Variants in TRIO observed in about 807,000 individuals in gnomAD.
The protein encoded by TRIO is trio Rho guanine nucleotide exchange factor.
TRIO carries 58 observed loss-of-function variants against 351.9 expected under a neutral mutation model. The ratio of observed to expected loss-of-function variants is 0.16; its 90% CI spans 0.13 to 0.21. The LOEUF (loss-of-function observed/expected upper bound fraction) is 0.21, where lower values mean the gene tolerates loss of function less well. Among genes scored for constraint, TRIO ranks in the 10% least tolerant of loss-of-function variants. The probability of loss-of-function intolerance (pLI) is 1.00; values close to 1 mark genes in which losing one functional copy is unlikely to be tolerated. For synonymous variants in TRIO, 1,758 were observed against 1,595.7 expected, an observed-to-expected ratio of 1.10 and a Z score of -2.42; for missense variants, 3,201 against 4,027.8, an observed-to-expected ratio of 0.79 and a Z score of 5.56.
intron 4 of TRIO, among the ~76,000 whole-genome samples, chr5:14,288,109 C>T (rs986198989): frequency 1.3e-5 from 2 of 152,182 alleles, no homozygotes; most frequent in African/African-American, 4.8e-5. Flanking sequence ...AAGCCTTTAT[C>T]TTCATAGAGA....
chr5:14,477,486 G>A (rs1755170878), intron 41 of TRIO, among the ~76,000 whole-genome samples: 1 of 152,110 alleles, frequency 6.6e-6, no homozygotes, highest in South Asian at 2.1e-4. Context: ...CCAACTCATT[G>A]CTGTGTTTTT....
intron 35 of TRIO, among the ~76,000 whole-genome samples, chr5:14,462,444 A>G (rs1011255662): frequency 6.6e-6 from 1 of 152,236 alleles, no homozygotes; most frequent in African/African-American, 2.4e-5. Flanking sequence ...TGAGGGTTGT[A>G]GCTCAAATTT....
chr5:14,276,294 G>A (rs1435878983), intron 2 of TRIO, among the ~76,000 whole-genome samples: 4 of 152,174 alleles, frequency 2.6e-5, no homozygotes, highest in South Asian at 2.1e-4. Context: ...CTGAGAGTGC[G>A]GGAACTGGCG....
At chr5:14,456,969 C>T (rs1239302487) in intron 34 of TRIO, among the ~76,000 whole-genome samples, 1 of 152,142 alleles carries the variant, frequency 6.6e-6, no homozygotes, top group Non-Finnish European at 1.5e-5. Context: ...AGAGCATAGA[C>T]ATGGGCTGTT....
intron 34 of TRIO, among the ~76,000 whole-genome samples, chr5:14,445,832 A>T (rs1752396467): frequency 6.6e-6 from 1 of 152,176 alleles, no homozygotes; most frequent in South Asian, 2.1e-4. Flanking sequence ...TAAAAAGGGG[A>T]TGTGCTTATT....
intron 33 of TRIO, among the ~76,000 whole-genome samples, chr5:14,408,204 C>T (rs1241125104): frequency 6.6e-6 from 1 of 152,200 alleles, no homozygotes; most frequent in Non-Finnish European, 1.5e-5. Flanking sequence ...GGCCTTTTCT[C>T]ACTTGGTTTT....
intron 1 of TRIO, among the ~76,000 whole-genome samples, chr5:14,200,115 A>G (rs1224472981): frequency 6.6e-6 from 1 of 152,178 alleles, no homozygotes; most frequent in Non-Finnish European, 1.5e-5. Context: ...AGAACCAGCC[A>G]GGACAGCAGT....
intron 18 of TRIO, among the ~76,000 whole-genome samples, chr5:14,372,522 C>T (rs1486241494): frequency 1.3e-5 from 2 of 152,152 alleles, no homozygotes; most frequent in Non-Finnish European, 2.9e-5. Context: ...CTAATTCTAT[C>T]ATTTCCTTTG....
chr5:14,165,153 G>A (rs1481597652), intron 1 of TRIO, among the ~76,000 whole-genome samples: 1 of 152,154 alleles, frequency 6.6e-6, no homozygotes, highest in African/African-American at 2.4e-5. Context: ...TAGATACAGG[G>A]GATATACGAG....
At chr5:14,399,192 T>A in intron 30 of TRIO, 122 bp downstream of exon 30, 2 of 957,404 alleles carry the variant, frequency 2.1e-6, no homozygotes, top group Non-Finnish European at 3.2e-6. Context: ...AATGTTCAAG[T>A]CTGAATTGTG....
chr5:14,385,910 C>T (rs945472986), intron 21 of TRIO, among the ~76,000 whole-genome samples: 18 of 152,152 alleles, frequency 1.2e-4, no homozygotes, highest in Non-Finnish European at 2.6e-4. Flanking sequence ...TTTCTTAACC[C>T]CTTAAAGATA....
At chr5:14,381,015 T>C (rs1746055437) in intron 20 of TRIO, 115 bp from the exon 21 acceptor site, 2 of 1,373,636 alleles carry the variant, frequency 1.5e-6, no homozygotes, top group Non-Finnish European at 1.9e-6. Context: ...AGGGAATGCT[T>C]CTCGATGCTG....
chr5:14,487,923 C>A lies in TRIO; in HGVS notation c.7295C>A (p.Ala2432Asp), dbSNP rs1218106910. The change falls in exon 48 of 57, where the codon GCC (alanine) becomes GAC (aspartate). Residue 2432 changes from alanine (A) to aspartate (D), a missense_variant. Physicochemically the swap from Ala to Asp is moderately radical, Grantham distance 126. Around this residue, in one of 19 missense-constraint regions of TRIO, gnomAD observed 1,089 missense variants for 954.9 expected, o/e 1.14. Coordinates refer to ENST00000344204, the MANE Select transcript of TRIO (RefSeq NM_007118.4). ...AANASGSSPDAPAKDARASLG... is the reference protein window; with the variant it reads ...AANASGSSPDDPAKDARASLG... ...AACGCCTCGGGGTCGAGCCCAGACG[C>A]CCCCGCCAAGGACGCGCGCGCTAGC... The A allele has an allele frequency of 3.9e-6, 6 of 1,539,252 alleles. No individual in the cohort carries two copies. Among genetic ancestry groups the A allele is most frequent in the Admixed American group, 4.1e-5 (2 of 48,320 alleles).
At chr5:14,159,212 T>G (rs568700191) in intron 1 of TRIO, among the ~76,000 whole-genome samples, 4 of 152,128 alleles carry the variant, frequency 2.6e-5, no homozygotes, top group African/African-American at 9.7e-5. Context: ...TCACCTCTAT[T>G]TGAAGGAGGG....
chr5:14,297,288 A>G, intron 7 of TRIO, 25 bp downstream of exon 7: 1 of 1,604,122 alleles, frequency 6.2e-7, no homozygotes, highest in Non-Finnish European at 8.5e-7. Context: ...CCCCCAGCCC[A>G]CGAGGTGGTA....
chr5:14,161,582 T>A (rs1400781842), intron 1 of TRIO, among the ~76,000 whole-genome samples: 1 of 152,188 alleles, frequency 6.6e-6, no homozygotes, highest in East Asian at 1.9e-4. Context: ...GTGCAGTAGA[T>A]GGTTGTTGTG....
rs950436735 is a variant in TRIO, at chr5:14,508,379, G to A, written c.9251G>A (p.Ser3084Asn). The change falls in exon 57 of 57, where the codon AGC (serine) becomes AAC (asparagine). Residue 3084 changes from serine to asparagine, a missense_variant. By Grantham distance (46) the Ser-to-Asn change is conservative. Around this residue, in one of 19 missense-constraint regions of TRIO, gnomAD observed 233 missense variants for 292.6 expected, o/e 0.80. Coordinates refer to ENST00000344204, the MANE Select transcript of TRIO (RefSeq NM_007118.4). ...KHQNDVRPIR[S>N]IKNFLQSRLL... ...CAGAATGATGTTCGACCTATCCGTA[G>A]CATTAAAAACTTTCTGCAGAGCAGG... 6.2e-7 allele frequency: 1 copy of A among 1,613,598 alleles called. No homozygotes were observed. Among genetic ancestry groups the A allele is most frequent in the Non-Finnish European group, 8.5e-7 (1 of 1,179,766 alleles).
At chr5:14,269,686 C>A (rs1028046582) in intron 1 of TRIO, among the ~76,000 whole-genome samples, 12 of 151,402 alleles carry the variant, frequency 7.9e-5, no homozygotes, top group African/African-American at 2.9e-4. Context: ...ATAAATGTTC[C>A]CTGTAGCAGG....
intron 1 of TRIO, among the ~76,000 whole-genome samples, chr5:14,187,619 CAA>C (rs549464189): frequency 1.1e-3 from 165 of 152,214 alleles, no homozygotes; most frequent in African/African-American, 3.8e-3. Context: ...TTTTTGAACT[CAA>C]GAGCAAAAGC....
Sources: gnomAD v4.1 joint callset for allele counts (sites outside exome capture counted in the v4.1 genomes callset) on GRCh38, gnomAD v4.1.1 for gene constraint, gnomAD v4.1.1 regional missense constraint, MANE v1.5 for transcripts, NCBI Gene and HGNC (gene_info 2026-07-23, HGNC 2026-07-21) for gene names.